LRRTM4: variants seen among roughly 807,000 people sequenced by gnomAD.
LRRTM4 encodes the protein leucine-rich repeat transmembrane neuronal protein 4.
In LRRTM4, 25 loss-of-function variants were observed where a neutral mutation model predicts 47.6. The ratio of observed to expected loss-of-function variants is 0.53; its 90% CI spans 0.38 to 0.73. LRRTM4 has a LOEUF of 0.73. Among genes scored for constraint, LRRTM4 ranks in the 30% least tolerant of loss-of-function variants. LRRTM4 has a pLI of 0.00. For synonymous variants in LRRTM4, 311 were observed against 269.5 expected, an observed-to-expected ratio of 1.15 and a Z score of -1.51; for missense variants, 638 against 713.4, an observed-to-expected ratio of 0.89 and a Z score of 1.20.
chr2:77,118,087 T>C (rs1240751881), intron 3 of LRRTM4, among the ~76,000 whole-genome samples: 1 of 151,944 alleles, frequency 6.6e-6, no homozygotes, highest in Non-Finnish European at 1.5e-5. Flanking sequence ...CTTCAGGAAA[T>C]CTGCCTCTTC....
chr2:77,085,714 A>C (rs1021602784), intron 3 of LRRTM4, among the ~76,000 whole-genome samples: 4 of 152,146 alleles, frequency 2.6e-5, no homozygotes, highest in African/African-American at 7.2e-5. Flanking sequence ...TCTCTTTCAA[A>C]AGTGGTGTCA....
At chr2:77,211,778 G>A (rs1033546793) in intron 3 of LRRTM4, among the ~76,000 whole-genome samples, 29 of 151,960 alleles carry the variant, frequency 1.9e-4, no homozygotes, top group African/African-American at 5.1e-4. Flanking sequence ...GATTTTAAGC[G>A]AAATATCAGA....
At chr2:77,416,500 A>G (rs542203777) in intron 3 of LRRTM4, among the ~76,000 whole-genome samples, 2 of 152,252 alleles carry the variant, frequency 1.3e-5, no homozygotes, top group South Asian at 2.1e-4. Flanking sequence ...ATATGCTACT[A>G]TTAGAAAGAT....
chr2:77,005,572 C>A (rs993437384), intron 3 of LRRTM4, among the ~76,000 whole-genome samples: 3 of 152,124 alleles, frequency 2.0e-5, no homozygotes, highest in African/African-American at 7.2e-5. Context: ...TGGAAGGGAC[C>A]CAGTGGGAGG....
chr2:76,850,839 A>G (rs376326589), intron 3 of LRRTM4, among the ~76,000 whole-genome samples: 2 of 152,238 alleles, frequency 1.3e-5, no homozygotes, highest in East Asian at 3.9e-4. Flanking sequence ...CTTAAAAATG[A>G]GAGGGAAAAT....
At chr2:77,007,785 G>C (rs948384494) in intron 3 of LRRTM4, among the ~76,000 whole-genome samples, 4 of 152,128 alleles carry the variant, frequency 2.6e-5, no homozygotes, top group African/African-American at 9.7e-5. Context: ...AGAGTTCTGT[G>C]AATAGAAAAT....
In LRRTM4 at chr2:77,161,451, G is replaced by A. The variant is rs77083805; in HGVS notation, c.1551+356867C>T. Among the ~76,000 whole-genome samples, 511 of 152,218 alleles carry A rather than the reference G, an allele frequency of 3.4e-3. 1 individual carries two copies. Among genetic ancestry groups the A allele is most frequent in the Admixed American group, 7.9e-3 (120 of 15,280 alleles). ...GCAGTATCTCCCATCCTCCTGGTTC[G>A]GTTGCCTTGTGATAATTAAACTCTT... On this transcript the variant is annotated intron_variant, in intron 3 of 3. Coordinates refer to ENST00000409884, the MANE Select transcript of LRRTM4 (RefSeq NM_001134745.3).
rs969291610 is a variant in LRRTM4, at chr2:77,027,345, A to G, written c.1552-278429T>C. ...TGAATTAAATAAAAAAAGAACTCAT[A>G]AATGCTTTTTAAAATAGCCTATGTA... is the stretch of plus-strand genomic sequence containing the variant. On this transcript the variant is annotated intron_variant, in intron 3 of 3. Transcript: ENST00000409884. 2.6e-5 allele frequency among the ~76,000 whole-genome samples: 4 copies of G among 152,200 alleles called. No homozygotes were observed. The East Asian group carries it at 7.7e-4, about 29-fold the overall frequency.
At chr2:77,452,460 T>C (rs1028312271) in intron 3 of LRRTM4, among the ~76,000 whole-genome samples, 1 of 152,132 alleles carries the variant, frequency 6.6e-6, no homozygotes, top group African/African-American at 2.4e-5. Flanking sequence ...GAGTTTTGTC[T>C]ATGTAAGAGG....
At chr2:76,774,624 A>G (rs749622562) in intron 3 of LRRTM4, among the ~76,000 whole-genome samples, 7 of 152,176 alleles carry the variant, frequency 4.6e-5, no homozygotes, top group Non-Finnish European at 1.0e-4. Context: ...GAGGAACATG[A>G]GGAAGGGTTG....
chr2:77,366,182 A>G (rs1204171526), intron 3 of LRRTM4, among the ~76,000 whole-genome samples: 1 of 151,748 alleles, frequency 6.6e-6, no homozygotes, highest in African/African-American at 2.4e-5. Flanking sequence ...ACATTCACCC[A>G]ATCCAATCTG....
rs201173976 is a variant in LRRTM4 at position 76,816,829 on chromosome 2, T to G, written c.1552-67913A>C. On this transcript the variant is annotated intron_variant, in intron 3 of 3. Transcript: ENST00000409884. ...ACTTAGAGGTAAAGAGTTTTTTTTT[T>G]TTTTTTTTTTTTTTTTTTTTTTTTT... Among the ~76,000 whole-genome samples the G allele has an allele frequency of 5.4e-3, 176 of 32,456 alleles. 6 individuals carry two copies. The highest frequency in any genetic ancestry group is 0.027 in the East Asian group (9 of 328). 21.3% of individuals were successfully genotyped at this position (32,456 alleles called of 152,430 possible).
At chr2:76,930,874 A>C (rs1302919767) in intron 3 of LRRTM4, among the ~76,000 whole-genome samples, 1 of 152,214 alleles carries the variant, frequency 6.6e-6, no homozygotes, top group East Asian at 1.9e-4. Context: ...CACTGTTTAC[A>C]AATAAATTAT....
intron 3 of LRRTM4, among the ~76,000 whole-genome samples, chr2:77,305,253 C>T (rs1303532024): frequency 6.6e-6 from 1 of 151,758 alleles, no homozygotes; most frequent in African/African-American, 2.4e-5. Flanking sequence ...TTTCCAATTT[C>T]TTATATATTT....
intron 3 of LRRTM4, among the ~76,000 whole-genome samples, chr2:77,010,545 C>CACACACACACACAG (rs370829024): frequency 2.0e-5 from 3 of 148,858 alleles, no homozygotes; most frequent in African/African-American, 7.6e-5. Flanking sequence ...CACACACACA[C>CACACACACACACAG]AGTCTTTAAC....
chr2:76,872,816 T>A (rs1672663699), intron 3 of LRRTM4, among the ~76,000 whole-genome samples: 1 of 152,056 alleles, frequency 6.6e-6, no homozygotes. Context: ...GCAGTAATAA[T>A]GAGTTATTGC....
At chr2:76,944,249 T>A (rs1220429564) in intron 3 of LRRTM4, among the ~76,000 whole-genome samples, 1 of 152,124 alleles carries the variant, frequency 6.6e-6, no homozygotes, top group African/African-American at 2.4e-5. Context: ...TTCCTCTCTT[T>A]TATGCTCCTG....
intron 3 of LRRTM4, among the ~76,000 whole-genome samples, chr2:77,160,593 G>C (rs1292479644): frequency 6.6e-6 from 1 of 152,076 alleles, no homozygotes; most frequent in Admixed American, 6.6e-5. Context: ...CCAGATAAAA[G>C]GGTCTCATTG....
chr2:76,884,432 A>G (rs1673014088), intron 3 of LRRTM4, among the ~76,000 whole-genome samples: 1 of 152,222 alleles, frequency 6.6e-6, no homozygotes, highest in South Asian at 2.1e-4. Context: ...GAAAATGACT[A>G]AATTCCAAAG....
Sources: gnomAD v4.1 joint callset for allele counts (sites outside exome capture counted in the v4.1 genomes callset) on GRCh38, gnomAD v4.1.1 for gene constraint, MANE v1.5 for transcripts, NCBI Gene and HGNC (gene_info 2026-07-23, HGNC 2026-07-21) for gene names.